Variants in ATAD2 observed in about 807,000 individuals in gnomAD.
The protein encoded by ATAD2 is ATPase family AAA domain-containing protein 2.
A neutral mutation model predicts 168.9 loss-of-function variants in ATAD2; 62 were observed. That is an observed-to-expected ratio of 0.37 (90% CI 0.30 to 0.45). The LOEUF (loss-of-function observed/expected upper bound fraction) is 0.45. Ranked by LOEUF, ATAD2 falls within the 20% of genes least tolerant of loss-of-function variation. The pLI is 1.00. For missense variants in ATAD2, 1,419 were observed against 1,667.8 expected (o/e 0.85, Z 2.60); for synonymous variants, 613 against 571.6 (o/e 1.07, Z -1.03).
chr8:123,391,142 G>A (rs899266197), intron 1 of ATAD2, among the ~76,000 whole-genome samples: 4 of 151,090 alleles, frequency 2.6e-5, no homozygotes, highest in Non-Finnish European at 5.9e-5. Flanking sequence ...AGAAACCAAA[G>A]AACCTCAGAC....
At position 123,384,264 on chromosome 8, in the gene ATAD2, T is replaced by A. The variant is rs1030032078; in HGVS notation, c.172-3587A>T. Among the ~76,000 whole-genome samples the A allele has an allele frequency of 2.0e-5, 3 of 152,046 alleles. No homozygotes were observed. The East Asian group carries it at 5.8e-4, about 29-fold the overall frequency. On this transcript the variant is annotated intron_variant, in intron 1 of 27. Coordinates refer to ENST00000287394, the MANE Select transcript of ATAD2 (RefSeq NM_014109.4). ...CTTTTGATGTATAACAAAAAAAAAC[T>A]GGGTGGCACTGCTAAGCATAACTCC...
At position 123,346,201 on chromosome 8, in the gene ATAD2, C is replaced by A; in HGVS notation, c.2417G>T (p.Gly806Val). ...AATGACAGCTGGTGCCAAGTGAGAA[C>A]CTTGCCCAAATCCTGGTTCTCCTAC... ...LIVGEPGFGQGSHLAPAVIHA... is the reference protein window; with the variant it reads ...LIVGEPGFGQVSHLAPAVIHA... Residue 806 changes from glycine (G) to valine (V), a missense_variant, in exon 18 of 28, where the codon GGT becomes GTT. Physicochemically the swap from Gly to Val is moderately radical, Grantham distance 109. Coordinates refer to ENST00000287394, the MANE Select transcript of ATAD2 (RefSeq NM_014109.4). The A allele has an allele frequency of 6.2e-7, 1 of 1,613,050 alleles. No individual in the cohort carries two copies. The highest frequency in any genetic ancestry group is 8.5e-7 in the Non-Finnish European group (1 of 1,179,614).
At chr8:123,395,177 A>T (rs960800437) in intron 1 of ATAD2, among the ~76,000 whole-genome samples, 1 of 151,770 alleles carries the variant, frequency 6.6e-6, no homozygotes, top group African/African-American at 2.4e-5. Context: ...GCCTACCCTC[A>T]CTCACTCCAA....
At chr8:123,370,851 T>C (rs1829129834) in intron 6 of ATAD2, 52 bp downstream of exon 6, 1 of 1,388,376 alleles carries the variant, frequency 7.2e-7, no homozygotes, top group Non-Finnish European at 9.9e-7. Context: ...TTCTACTAAA[T>C]AAAAAGTTCT....
chr8:123,365,689 A>G (rs1828955601), intron 8 of ATAD2, among the ~76,000 whole-genome samples: 1 of 152,228 alleles, frequency 6.6e-6, no homozygotes, highest in Non-Finnish European at 1.5e-5. Flanking sequence ...TATTCATCAG[A>G]TGGTGCTGGG....
In ATAD2 at chr8:123,402,148, A is replaced by C; in HGVS notation, c.-2281-973T>G. ...CGAGGTGGTGGAGGGGGCACCCCCC[A>C]GTGTCCACCTTCGGGCATAGCCTCC... On this transcript the variant is annotated intron_variant, in intron 1 of 28. Transcript: ENST00000521903. The surrounding 1 kb of genome is among the most constrained non-coding windows in gnomAD (Gnocchi z 4.8). 1 of 735,748 alleles carries C rather than the reference A, an allele frequency of 1.4e-6. No individual in the cohort carries two copies. Among genetic ancestry groups the C allele is most frequent in the Non-Finnish European group, 2.4e-6 (1 of 411,662 alleles). 45.6% of individuals were successfully genotyped at this position (735,748 alleles called of 1,614,324 possible).
chr8:123,340,044 C>T (rs938586269), intron 19 of ATAD2, among the ~76,000 whole-genome samples: 9 of 151,976 alleles, frequency 5.9e-5, no homozygotes, highest in Non-Finnish European at 1.2e-4. Context: ...CACGCACCAC[C>T]ACACTCAGCT....
intron 1 of ATAD2, among the ~76,000 whole-genome samples, chr8:123,404,329 C>A (rs1440679582): frequency 6.6e-6 from 1 of 152,048 alleles, no homozygotes; most frequent in East Asian, 1.9e-4. Context: ...GAAATTTATT[C>A]TCTGATGGTT....
intron 22 of ATAD2, among the ~76,000 whole-genome samples, chr8:123,335,698 A>G (rs1827895810): frequency 6.6e-6 from 1 of 152,182 alleles, no homozygotes; most frequent in African/African-American, 2.4e-5. Flanking sequence ...AAAAATTTGT[A>G]AAAATGTATG....
At chr8:123,409,911 G>A (rs1158637725) in intron 1 of ATAD2, among the ~76,000 whole-genome samples, 7 of 149,220 alleles carry the variant, frequency 4.7e-5, no homozygotes, top group Non-Finnish European at 8.9e-5. Flanking sequence ...ACTCCAGCCT[G>A]GGTGTGACAA....
chr8:123,350,957 T>C (rs906464089), intron 13 of ATAD2, among the ~76,000 whole-genome samples: 1 of 150,352 alleles, frequency 6.7e-6, no homozygotes, highest in Non-Finnish European at 1.5e-5. Context: ...GGTCTCCATC[T>C]TCTGACCTTG....
intron 1 of ATAD2, among the ~76,000 whole-genome samples, chr8:123,395,618 G>A (rs1812785184): frequency 6.6e-6 from 1 of 152,162 alleles, no homozygotes; most frequent in South Asian, 2.1e-4. Context: ...AGGCTTGGAA[G>A]CGGGGGGCGT....
intron 1 of ATAD2, among the ~76,000 whole-genome samples, chr8:123,409,075 C>T (rs1586915182): frequency 6.6e-6 from 1 of 152,218 alleles, no homozygotes; most frequent in East Asian, 1.9e-4. Flanking sequence ...ATCCACTCGC[C>T]TCTGCCCCTC....
intron 1 of ATAD2, among the ~76,000 whole-genome samples, chr8:123,404,883 G>A (rs922972968): frequency 6.6e-6 from 1 of 152,148 alleles, no homozygotes; most frequent in Non-Finnish European, 1.5e-5. Flanking sequence ...ACTATTTAGA[G>A]CACACCCTGA....
intron 2 of ATAD2, among the ~76,000 whole-genome samples, chr8:123,377,361 C>T (rs535119887): frequency 1.3e-4 from 20 of 152,146 alleles, no homozygotes; most frequent in Middle Eastern, 3.4e-3. Context: ...CTCTTTAAAT[C>T]CAGATCGAAA....
At chr8:123,387,790 TA>T (rs1829686774) in intron 1 of ATAD2, among the ~76,000 whole-genome samples, 1 of 152,194 alleles carries the variant, frequency 6.6e-6, no homozygotes, top group South Asian at 2.1e-4. Context: ...CACAGTTGCA[TA>T]ATAAAAATAT....
chr8:123,325,973 G>T lies in ATAD2; in HGVS notation c.3922C>A (p.Gln1308Lys). Residue 1308 changes from glutamine (Q) to lysine (K), a missense_variant, in exon 26 of 28, where the codon CAG becomes AAG. This residue lies in a region of ATAD2 where 303 missense variants were observed against 304.3 expected (regional missense o/e 1.00). Transcript: ENST00000287394. ...AAAGCCTTTTCAACAGTGATGAGCT[G>T]CTGCTGTTCTACCTGGGAACGTCTA... ...RARRSQVEQQQLITVEKALAI... is the reference protein window; with the variant it reads ...RARRSQVEQQKLITVEKALAI... The T allele has an allele frequency of 6.2e-7, 1 of 1,614,028 alleles. No homozygotes were observed. The highest frequency in any genetic ancestry group is 8.5e-7 in the Non-Finnish European group (1 of 1,179,906).
upstream of ATAD2, chr8:123,396,457 A>T: frequency 1.5e-6 from 2 of 1,293,350 alleles, no homozygotes; most frequent in Non-Finnish European, 1.0e-6. Context: ...TGGCGCCACA[A>T]GCTCCGCGCC....
intron 1 of ATAD2, 36 bp from the exon 2 acceptor site, chr8:123,380,713 C>A (rs780882883): frequency 3.2e-6 from 5 of 1,578,740 alleles, no homozygotes; most frequent in South Asian, 1.2e-5. Context: ...CTAAGTTTTT[C>A]TTTACAAAAC....
Sources: gnomAD v4.1 joint callset for allele counts (sites outside exome capture counted in the v4.1 genomes callset) on GRCh38, gnomAD v4.1.1 for gene constraint, gnomAD v4.1.1 regional missense constraint, Gnocchi (gnomAD v3.1) non-coding constraint, MANE v1.5 for transcripts, NCBI Gene and HGNC (gene_info 2026-07-23, HGNC 2026-07-21) for gene names.